ACTR3: variants seen among roughly 807,000 people sequenced by gnomAD.
ACTR3 encodes actin-related protein 3.
ACTR3 carries 12 observed loss-of-function variants against 56.8 expected under a neutral mutation model. That is an observed-to-expected ratio of 0.21 (90% CI 0.14 to 0.34). The LOEUF is 0.34. Among genes scored for constraint, ACTR3 ranks in the 10% least tolerant of loss-of-function variants. ACTR3 has a pLI of 1.00. For missense variants in ACTR3, 282 were observed against 512.5 expected (o/e 0.55, Z 4.34); for synonymous variants, 162 against 167.4 (o/e 0.97, Z 0.25).
chr2:113,908,349 C>CCTTAG (rs1679241754), intron 1 of ACTR3, among the ~76,000 whole-genome samples: 1 of 148,730 alleles, frequency 6.7e-6, no homozygotes, highest in Non-Finnish European at 1.5e-5. Context: ...TTTTAGAGTT[C>CCTTAG]ATAAAAATAT....
intron 8 of ACTR3, among the ~76,000 whole-genome samples, chr2:113,948,097 A>T (rs998119639): frequency 6.6e-6 from 1 of 152,080 alleles, no homozygotes; most frequent in Non-Finnish European, 1.5e-5. Context: ...TCTTTTGCTG[A>T]TTACCTCCTT....
intron 1 of ACTR3, among the ~76,000 whole-genome samples, chr2:113,897,195 A>C (rs1313210760): frequency 6.6e-6 from 1 of 152,166 alleles, no homozygotes; most frequent in Non-Finnish European, 1.5e-5. Flanking sequence ...ATTAGATAGG[A>C]GATAAGGTGA....
chr2:113,917,543 C>G (rs1000376806), intron 3 of ACTR3, among the ~76,000 whole-genome samples: 1 of 152,068 alleles, frequency 6.6e-6, no homozygotes, highest in Non-Finnish European at 1.5e-5. Context: ...TCTAGTAACC[C>G]TGAAGCTTTC....
intron 1 of ACTR3, among the ~76,000 whole-genome samples, chr2:113,893,088 A>G (rs1678936941): frequency 6.6e-6 from 1 of 152,208 alleles, no homozygotes; most frequent in South Asian, 2.1e-4. Flanking sequence ...GTTGGGGCAC[A>G]TAGATTCCCA....
chr2:113,915,134 T>C (rs1326936615), intron 2 of ACTR3, among the ~76,000 whole-genome samples: 1 of 152,222 alleles, frequency 6.6e-6, no homozygotes, highest in Admixed American at 6.5e-5. Flanking sequence ...ATGTACTTAC[T>C]GGTTTCTTTA....
At chr2:113,940,281 C>A in intron 7 of ACTR3, 179 bp downstream of exon 7, 2 of 457,350 alleles carry the variant, frequency 4.4e-6, no homozygotes, top group African/African-American at 2.0e-5. Flanking sequence ...ATTATTACAG[C>A]AGTTTGTCTT....
intron 8 of ACTR3, among the ~76,000 whole-genome samples, chr2:113,946,228 A>G (rs745553022): frequency 1.1e-4 from 16 of 152,292 alleles, no homozygotes; most frequent in Non-Finnish European, 1.9e-4. Flanking sequence ...TGGTTGAACT[A>G]ATTTACACCT....
chr2:113,927,912 C>T (rs1377849359), intron 4 of ACTR3, among the ~76,000 whole-genome samples: 1 of 152,092 alleles, frequency 6.6e-6, no homozygotes, highest in Non-Finnish European at 1.5e-5. Context: ...CAAAATAACA[C>T]TTTCCTTTCT....
rs13019598 is a variant in ACTR3, at chr2:113,958,613, T to A, written c.*1158T>A. ...TACCTTTTCTAATGTTTTTTTTTTT[T>A]AAGTAATGTAATTCTATTTTGTTTT... On this transcript the variant is annotated 3_prime_UTR_variant, in exon 12 of 12. Transcript: ENST00000263238. 11,203 of 150,850 alleles carry A rather than the reference T, an allele frequency of 0.074. 459 individuals carry two copies. Among genetic ancestry groups the A allele is most frequent in the African/African-American group, 0.11 (4,303 of 40,402 alleles). The allele number at this position is 150,850 out of a possible 1,614,324, so 9.3% of individuals were successfully genotyped here. A position where few individuals can be genotyped will look rare whatever the true frequency, so the allele number is the denominator to read the frequency against.
Position 113,951,713 on chromosome 2 carries a change from C to T in ACTR3, c.952-7C>T. The T allele has an allele frequency of 6.3e-7, 1 of 1,588,186 alleles. No individual in the cohort carries two copies. Among genetic ancestry groups the T allele is most frequent in the Non-Finnish European group, 8.6e-7 (1 of 1,164,144 alleles). ...TTTAAATATTATATTTATTTTCTCTCCACTAGAATATTGTCCTCTCTGGAG... is the reference window on the plus strand; with the variant it reads ...TTTAAATATTATATTTATTTTCTCTTCACTAGAATATTGTCCTCTCTGGAG... On this transcript the variant is annotated splice_region_variant and splice_polypyrimidine_tract_variant and intron_variant, in intron 9 of 11. Transcript: ENST00000263238.
intron 6 of ACTR3, among the ~76,000 whole-genome samples, chr2:113,937,967 C>T (rs932918650): frequency 6.6e-6 from 1 of 152,062 alleles, no homozygotes; most frequent in Non-Finnish European, 1.5e-5. Flanking sequence ...GTACTCTAAT[C>T]ACATGTATAT....
intron 1 of ACTR3, among the ~76,000 whole-genome samples, chr2:113,910,891 A>C (rs951423252): frequency 6.6e-6 from 1 of 152,236 alleles, no homozygotes; most frequent in Admixed American, 6.5e-5. Flanking sequence ...AATAAGAATA[A>C]AAGTAGAGAG....
intron 3 of ACTR3, among the ~76,000 whole-genome samples, chr2:113,921,124 C>T (rs992275624): frequency 1.3e-5 from 2 of 152,172 alleles, no homozygotes; most frequent in African/African-American, 4.8e-5. Flanking sequence ...TCCTTGCCAG[C>T]ATTTGTGATT....
In ACTR3 at chr2:113,942,506, T is replaced by G. The variant is rs968450910; in HGVS notation, c.858+147T>G. 3.0e-5 allele frequency: 18 copies of G among 606,698 alleles called. No individual in the cohort carries two copies. In the African/African-American group the frequency reaches 3.5e-4, roughly 12 times the overall value. 37.6% of individuals were successfully genotyped at this position (606,698 alleles called of 1,614,324 possible). On this transcript the variant is annotated intron_variant, in intron 8 of 11. Transcript: ENST00000263238. Reference sequence around the variant, plus strand: ...AAGTTTATAAAACATTTTATGAACTTTTTAAAGAAAAAATTTGCTTTTGTT... The same window carrying G: ...AAGTTTATAAAACATTTTATGAACTGTTTAAAGAAAAAATTTGCTTTTGTT...
intron 10 of ACTR3, chr2:113,953,542 A>ACTTGC (rs1477710848): frequency 2.6e-5 from 4 of 152,216 alleles, no homozygotes; most frequent in Non-Finnish European, 5.9e-5. Flanking sequence ...CCTTAGTTTT[A>ACTTGC]CTTGCTAGTA....
chr2:113,932,889 G>A (rs77851975), intron 5 of ACTR3, among the ~76,000 whole-genome samples: 1 of 152,076 alleles, frequency 6.6e-6, no homozygotes, highest in Non-Finnish European at 1.5e-5. Context: ...AGATAGGAGG[G>A]TGACCTAGAT....
intron 6 of ACTR3, among the ~76,000 whole-genome samples, chr2:113,939,063 G>T (rs988067444): frequency 1.3e-5 from 2 of 149,432 alleles, no homozygotes; most frequent in African/African-American, 4.9e-5. Context: ...TCGCTCTGTC[G>T]CCCAGGCTGG....
At chr2:113,952,285 C>G (rs1233745959) in intron 10 of ACTR3, 1 of 155,948 alleles carries the variant, frequency 6.4e-6, no homozygotes, top group Non-Finnish European at 1.4e-5. Context: ...AGTGTGCAGT[C>G]AAATCGGTGG....
chr2:113,930,268 T>G (rs1679695563), intron 4 of ACTR3, among the ~76,000 whole-genome samples: 1 of 152,156 alleles, frequency 6.6e-6, no homozygotes, highest in Admixed American at 6.5e-5. Context: ...AGAACTCTTC[T>G]AAAGAAGTTT....
Sources: allele counts gnomAD v4.1 joint callset (sites outside exome capture counted in the v4.1 genomes callset), GRCh38; gene constraint gnomAD v4.1.1; transcripts MANE v1.5; gene names NCBI Gene and HGNC (gene_info 2026-07-23, HGNC 2026-07-21).